ZNF407: variants seen among roughly 807,000 people sequenced by gnomAD.
The protein encoded by ZNF407 is zinc finger protein 407.
Under a neutral mutation model 131.2 loss-of-function variants are expected in ZNF407, and 17 were observed. The ratio of observed to expected loss-of-function variants is 0.13; its 90% CI spans 0.09 to 0.19. The LOEUF is 0.19. Among genes scored for constraint, ZNF407 ranks in the 10% least tolerant of loss-of-function variants. ZNF407 has a pLI of 1.00. For synonymous variants in ZNF407, 1,156 were observed against 1,062.0 expected, an observed-to-expected ratio of 1.09 and a Z score of -1.72; for missense variants, 2,681 against 2,830.6, an observed-to-expected ratio of 0.95 and a Z score of 1.20.
At chr18:74,628,730 T>G (rs1056538172) in intron 1 of ZNF407, among the ~76,000 whole-genome samples, 4 of 152,086 alleles carry the variant, frequency 2.6e-5, no homozygotes, top group African/African-American at 9.7e-5. Flanking sequence ...CACAGGCACT[T>G]GGCACTAATT....
intron 1 of ZNF407, among the ~76,000 whole-genome samples, chr18:74,603,231 A>G (rs1030612347): frequency 1.8e-4 from 28 of 152,196 alleles, no homozygotes; most frequent in Admixed American, 5.9e-4. Flanking sequence ...AGTTGATGAT[A>G]AGGAATCTTG....
chr18:74,758,479 A>G (rs145725251), intron 3 of ZNF407, among the ~76,000 whole-genome samples: 118 of 152,338 alleles, frequency 7.7e-4, no homozygotes, highest in African/African-American at 2.5e-3. Context: ...TTACTGTCAT[A>G]TAAAATGTAT....
intron 3 of ZNF407, among the ~76,000 whole-genome samples, chr18:74,673,337 C>G (rs1353984028): frequency 1.3e-5 from 2 of 152,194 alleles, no homozygotes; most frequent in Non-Finnish European, 2.9e-5. Flanking sequence ...TTCTGGAGCT[C>G]TAGGGCTCAG....
Position 74,664,530 on chromosome 18 carries a change from T to C in ZNF407, c.4802+23408T>C, listed in dbSNP as rs369504738. Among the ~76,000 whole-genome samples the C allele has an allele frequency of 9.0e-4, 137 of 152,258 alleles. 1 individual carries two copies. The highest frequency in any genetic ancestry group is 3.1e-3 in the African/African-American group (127 of 41,562). ...AAACAAACAAACAAAAGGACATTTT[T>C]CTATGCCCAAACCACTTCACACATG... On this transcript the variant is annotated intron_variant, in intron 3 of 8. Coordinates refer to ENST00000299687, the MANE Select transcript of ZNF407 (RefSeq NM_017757.3).
chr18:74,638,929 A>G (rs1002754186), intron 2 of ZNF407, among the ~76,000 whole-genome samples: 1 of 151,962 alleles, frequency 6.6e-6, no homozygotes, highest in South Asian at 2.1e-4. Flanking sequence ...TTTTTTCTTT[A>G]ATGCGGAGAA....
intron 4 of ZNF407, among the ~76,000 whole-genome samples, chr18:74,870,683 G>A (rs953463430): frequency 8.5e-5 from 13 of 152,052 alleles, no homozygotes; most frequent in South Asian, 4.1e-4. Flanking sequence ...GTACACACAC[G>A]TACACACACA....
At chr18:74,643,142 A>G (rs1466131649) in intron 3 of ZNF407, among the ~76,000 whole-genome samples, 1 of 152,072 alleles carries the variant, frequency 6.6e-6, no homozygotes. Flanking sequence ...TAAAGTAAAA[A>G]ACATAAAAAA....
intron 4 of ZNF407, among the ~76,000 whole-genome samples, chr18:74,815,707 G>A (rs1970258266): frequency 6.6e-6 from 1 of 152,080 alleles, no homozygotes; most frequent in Non-Finnish European, 1.5e-5. Flanking sequence ...CAGTTATTGG[G>A]AGCAAGATTC....
At chr18:74,639,477 C>G (rs1984610644) in intron 2 of ZNF407, among the ~76,000 whole-genome samples, 1 of 152,154 alleles carries the variant, frequency 6.6e-6, no homozygotes, top group Non-Finnish European at 1.5e-5. Context: ...GTGAAATGTT[C>G]AAAGTAGTGA....
At chr18:74,653,260 T>C (rs2144714442) in intron 3 of ZNF407, among the ~76,000 whole-genome samples, 1 of 151,996 alleles carries the variant, frequency 6.6e-6, no homozygotes, top group South Asian at 2.1e-4. Context: ...TATGCTGTTT[T>C]AGTTGCAGGG....
At chr18:74,627,917 C>G (rs752151023) in intron 1 of ZNF407, among the ~76,000 whole-genome samples, 66 of 143,006 alleles carry the variant, frequency 4.6e-4, no homozygotes, top group Non-Finnish European at 1.8e-4. Flanking sequence ...CTCTGTTGCC[C>G]AGGCTGGAAC....
chr18:75,054,199 A>G (rs1354932576), intron 8 of ZNF407, among the ~76,000 whole-genome samples: 1 of 152,240 alleles, frequency 6.6e-6, no homozygotes, highest in Admixed American at 6.5e-5. Flanking sequence ...TCGTTTGGCT[A>G]TGAGCAGATG....
At chr18:75,025,218 G>T (rs1035397943) in intron 8 of ZNF407, among the ~76,000 whole-genome samples, 1 of 152,086 alleles carries the variant, frequency 6.6e-6, no homozygotes, top group South Asian at 2.1e-4. Flanking sequence ...TGCAGAAATA[G>T]CACGTTTCTA....
chr18:74,786,484 TC>T (rs1324660713), intron 4 of ZNF407, among the ~76,000 whole-genome samples: 1 of 151,968 alleles, frequency 6.6e-6, no homozygotes, highest in East Asian at 1.9e-4. Flanking sequence ...CTTTTTTTTT[TC>T]CCCATGATGG....
At chr18:74,883,856 T>C (rs2145188814) in intron 6 of ZNF407, among the ~76,000 whole-genome samples, 1 of 152,202 alleles carries the variant, frequency 6.6e-6, no homozygotes, top group Admixed American at 6.5e-5. Context: ...TAACGGAAAG[T>C]GTGAAAAGCA....
At chr18:74,918,912 G>T (rs1315869149) in intron 7 of ZNF407, among the ~76,000 whole-genome samples, 1 of 152,126 alleles carries the variant, frequency 6.6e-6, no homozygotes, top group Admixed American at 6.5e-5. Context: ...AGATTTAGTT[G>T]TACATGTGCA....
chr18:74,727,832 G>A (rs941888145), intron 3 of ZNF407, among the ~76,000 whole-genome samples: 5 of 152,184 alleles, frequency 3.3e-5, no homozygotes, highest in Non-Finnish European at 5.9e-5. Context: ...ATCATTGAGC[G>A]TTTTGCACAG....
intron 6 of ZNF407, among the ~76,000 whole-genome samples, chr18:74,887,227 A>G (rs1174103378): frequency 2.0e-5 from 3 of 152,146 alleles, no homozygotes; most frequent in African/African-American, 7.2e-5. Flanking sequence ...TGCCATCATC[A>G]TAAAAGTAAA....
chr18:74,755,737 C>CTTTCTTTCTT (rs1968929255), intron 3 of ZNF407, among the ~76,000 whole-genome samples: 1 of 105,678 alleles, frequency 9.5e-6, no homozygotes, highest in Admixed American at 9.0e-5. Context: ...TCCTTTCTTT[C>CTTTCTTTCTT]TTTCTTTCTT....
Sources: gnomAD v4.1 joint callset for allele counts (sites outside exome capture counted in the v4.1 genomes callset) on GRCh38, gnomAD v4.1.1 for gene constraint, MANE v1.5 for transcripts, NCBI Gene and HGNC (gene_info 2026-07-23, HGNC 2026-07-21) for gene names.